The following CES5A variants were observed in gnomAD, a reference collection of about 807,000 sequenced individuals.
CES5A encodes the protein carboxylesterase 5.
In CES5A, 67 loss-of-function variants were observed where a neutral mutation model predicts 62.9. The ratio of observed to expected loss-of-function variants is 1.07; its 90% CI spans 0.88 to 1.31. The LOEUF is 1.31. CES5A is among the 50% of genes most tolerant of loss of function. The probability of loss-of-function intolerance (pLI) is 0.00; values close to 1 mark genes in which losing one functional copy is unlikely to be tolerated. For synonymous variants in CES5A, 296 were observed against 280.8 expected (o/e 1.05, Z -0.54); for missense variants, 748 against 708.5 (o/e 1.06, Z -0.63).
chr16:55,857,958 G>A (rs2033275870), intron 8 of CES5A, among the ~76,000 whole-genome samples: 1 of 152,308 alleles, frequency 6.6e-6, no homozygotes, highest in East Asian at 1.9e-4. Context: ...ACTTTGGGAG[G>A]CCAAAGCAGG....
chr16:55,849,821 G>A (rs770323975), intron 10 of CES5A, 48 bp from the exon 11 acceptor site: 107 of 1,595,364 alleles, frequency 6.7e-5, no homozygotes, highest in Non-Finnish European at 8.9e-5. Flanking sequence ...CGCGGAGCAG[G>A]GGGCTGGCTC....
intron 1 of CES5A, among the ~76,000 whole-genome samples, chr16:55,924,094 G>C (rs927520887): frequency 2.6e-5 from 4 of 151,674 alleles, no homozygotes; most frequent in Admixed American, 6.6e-5. Flanking sequence ...AGAAATAAAG[G>C]GCATTCCAAC....
At chr16:55,937,556 G>T (rs1051846336) in intron 2 of CES5A, among the ~76,000 whole-genome samples, 2 of 152,216 alleles carry the variant, frequency 1.3e-5, no homozygotes, top group African/African-American at 4.8e-5. Context: ...AAAACATGGG[G>T]ATGGGGACTG....
intron 1 of CES5A, among the ~76,000 whole-genome samples, chr16:55,890,732 C>T (rs1285102273): frequency 6.6e-6 from 1 of 151,820 alleles, no homozygotes; most frequent in African/African-American, 2.4e-5. Context: ...CTTATCTTGC[C>T]CAAATATCCA....
intron 1 of CES5A, among the ~76,000 whole-genome samples, chr16:55,880,418 T>C (rs1440986165): frequency 6.6e-6 from 1 of 152,164 alleles, no homozygotes; most frequent in African/African-American, 2.4e-5. Flanking sequence ...GGGGCTCCCA[T>C]TGCTCACAGC....
Position 55,943,435 on chromosome 16 carries a change from T to C in CES5A, c.160+6350A>G, listed in dbSNP as rs539279002. Among the ~76,000 whole-genome samples the C allele has an allele frequency of 2.0e-5, 3 of 152,332 alleles. 1 individual carries two copies. The highest frequency in any genetic ancestry group is 7.2e-5 in the African/African-American group (3 of 41,594). ...CAGCCAGTGCTCCTTATGCAATGCCTTGTTTTTCAACGTGTTATCCCTTTC... is the reference window on the plus strand; with the variant it reads ...CAGCCAGTGCTCCTTATGCAATGCCCTGTTTTTCAACGTGTTATCCCTTTC... On this transcript the variant is annotated intron_variant, in intron 2 of 13. Transcript: ENST00000521992.
At chr16:55,892,200 C>A (rs1395656195) in intron 1 of CES5A, among the ~76,000 whole-genome samples, 1 of 152,192 alleles carries the variant, frequency 6.6e-6, no homozygotes, top group Non-Finnish European at 1.5e-5. Flanking sequence ...ACAGACTCAA[C>A]CAATTGTGAA....
At chr16:55,912,676 T>C (rs917178341) in intron 1 of CES5A, among the ~76,000 whole-genome samples, 3 of 152,022 alleles carry the variant, frequency 2.0e-5, no homozygotes, top group African/African-American at 7.3e-5. Flanking sequence ...ACCTGGGAAG[T>C]AAATGTGTAG....
At chr16:55,855,313 G>A (rs576876216) in intron 9 of CES5A, among the ~76,000 whole-genome samples, 5 of 152,340 alleles carry the variant, frequency 3.3e-5, no homozygotes, top group Admixed American at 1.3e-4. Flanking sequence ...AAAAGAGGAA[G>A]ATGGAAAAAG....
intron 11 of CES5A, 146 bp from the exon 12 acceptor site, chr16:55,846,986 CA>C: frequency 1.4e-6 from 1 of 726,108 alleles, no homozygotes; most frequent in South Asian, 1.7e-5. Flanking sequence ...TTTATACATG[CA>C]GATACTGAGG....
chr16:55,870,619 G>A lies in CES5A; in HGVS notation c.418-875C>T, dbSNP rs1481964516. Among the ~76,000 whole-genome samples the A allele has an allele frequency of 1.1e-4, 17 of 151,670 alleles. No individual in the cohort carries two copies. In the East Asian group the frequency reaches 3.3e-3, roughly 29 times the overall value. ...AGGCTGAGGCACAGGAATCCCTTGA[G>A]CCCGGATGGCAAAGGTCGCAGTGAG... On this transcript the variant is annotated intron_variant, in intron 3 of 12. Coordinates refer to ENST00000290567, the MANE Select transcript of CES5A (RefSeq NM_001143685.2).
intron 1 of CES5A, among the ~76,000 whole-genome samples, chr16:55,953,666 A>T (rs1338509331): frequency 1.3e-5 from 2 of 152,168 alleles, no homozygotes; most frequent in Non-Finnish European, 2.9e-5. Context: ...GGTGGAGTAG[A>T]GCTTAAATAC....
intron 1 of CES5A, among the ~76,000 whole-genome samples, chr16:55,882,119 A>G (rs2033767929): frequency 6.6e-6 from 1 of 152,204 alleles, no homozygotes; most frequent in Non-Finnish European, 1.5e-5. Flanking sequence ...AGATCTTTCC[A>G]GATCTGAACC....
intron 1 of CES5A, among the ~76,000 whole-genome samples, chr16:55,915,871 G>T (rs1305275467): frequency 3.9e-5 from 6 of 152,288 alleles, no homozygotes; most frequent in Non-Finnish European, 7.3e-5. Flanking sequence ...AATGGCTGAA[G>T]GATAGATCTC....
upstream of CES5A, among the ~76,000 whole-genome samples, chr16:55,876,566 T>A (rs1418486193): frequency 6.6e-6 from 1 of 152,014 alleles, no homozygotes; most frequent in South Asian, 2.1e-4. Flanking sequence ...TAGACATAGG[T>A]CCTAAAGGGA....
chr16:55,891,157 C>G (rs2033872640), intron 1 of CES5A, among the ~76,000 whole-genome samples: 1 of 152,116 alleles, frequency 6.6e-6, no homozygotes, highest in African/African-American at 2.4e-5. Flanking sequence ...TTTAAATTAG[C>G]CAATCAGAAA....
Position 55,938,735 on chromosome 16 carries a change from C to CA in CES5A, c.160+11049dup, listed in dbSNP as rs1171756916. Among the ~76,000 whole-genome samples the CA allele has an allele frequency of 5.5e-4, 16 of 29,130 alleles. 2 individuals are homozygous for CA. Among genetic ancestry groups the CA allele is most frequent in the East Asian group, 3.9e-3 (2 of 510 alleles). 19.1% of individuals were successfully genotyped at this position (29,130 alleles called of 152,430 possible). On this transcript the variant is annotated intron_variant, in intron 2 of 13. Coordinates refer to the CES5A transcript ENST00000521992. The stretch of plus-strand genomic sequence containing the variant: ...TGGGGGAGAGAGTGAGACTCCATCT[C>CA]AAAAAAAAAAAAAAAAAAAAAAAAA...
intron 1 of CES5A, among the ~76,000 whole-genome samples, chr16:55,902,632 C>T (rs57243059): frequency 2.3e-3 from 352 of 152,316 alleles, no homozygotes; most frequent in African/African-American, 5.2e-3. Context: ...TAGTTATTCA[C>T]GGCATCATTT....
At chr16:55,945,606 A>G (rs1299897149) in intron 2 of CES5A, among the ~76,000 whole-genome samples, 2 of 152,220 alleles carry the variant, frequency 1.3e-5, no homozygotes, top group African/African-American at 4.8e-5. Flanking sequence ...TTGGGACTCA[A>G]TTTATTCACC....
Sources: gnomAD v4.1 joint callset for allele counts (sites outside exome capture counted in the v4.1 genomes callset) on GRCh38, gnomAD v4.1.1 for gene constraint, MANE v1.5 for transcripts, NCBI Gene and HGNC (gene_info 2026-07-23, HGNC 2026-07-21) for gene names.